The following ITGAD variants were observed in gnomAD, a reference collection of about 807,000 sequenced individuals.
ITGAD encodes integrin alpha-D.
In ITGAD, 105 loss-of-function variants were observed where a neutral mutation model predicts 139.0. That is an observed-to-expected ratio of 0.76 (90% CI 0.65 to 0.89). ITGAD has a LOEUF of 0.89. Ranked by LOEUF, ITGAD falls within the 40% of genes least tolerant of loss-of-function variation. The probability of loss-of-function intolerance (pLI) is 0.00; values close to 1 mark genes in which losing one functional copy is unlikely to be tolerated. For synonymous variants in ITGAD, 569 were observed against 598.3 expected, an observed-to-expected ratio of 0.95 and a Z score of 0.71; for missense variants, 1,384 against 1,487.3, an observed-to-expected ratio of 0.93 and a Z score of 1.14.
At position 31,418,151 on chromosome 16, in the gene ITGAD, G is replaced by A. The variant is rs369360258; in HGVS notation, c.2576G>A (p.Arg859His). 3.9e-5 allele frequency: 63 copies of A among 1,613,912 alleles called. No individual in the cohort carries two copies. Among genetic ancestry groups the A allele is most frequent in the Middle Eastern group, 3.3e-4 (2 of 6,084 alleles). The change falls in exon 21 of 30, where the codon CGC becomes CAC. Residue 859 changes from arginine (R) to histidine (H), a missense_variant. By Grantham distance (29) the Arg-to-His change is conservative. Transcript: ENST00000389202. ...GAGGATGAGGGCCTAAGAAGCAGCC[G>A]CTGCAGTGTCAACCACCCCATCTTC... ...PTEDEGLRSS[R>H]CSVNHPIFHE... is the part of the protein sequence containing the mutation.
intron 16 of ITGAD, among the ~76,000 whole-genome samples, chr16:31,414,145 CCTAT>C (rs2081815596): frequency 6.6e-6 from 1 of 152,092 alleles, no homozygotes; most frequent in African/African-American, 2.4e-5. Context: ...TCATCTATCA[CCTAT>C]CTAATCTATC....
chr16:31,394,138 A>G, intron 1 of ITGAD, 98 bp from the exon 2 acceptor site: 3 of 615,514 alleles, frequency 4.9e-6, no homozygotes, highest in Non-Finnish European at 8.0e-6. Flanking sequence ...CTCAAAAAAA[A>G]AAAAAAAAAA....
intron 23 of ITGAD, among the ~76,000 whole-genome samples, chr16:31,419,831 AG>A (rs372010818): frequency 6.6e-6 from 1 of 150,638 alleles, no homozygotes; most frequent in Non-Finnish European, 1.5e-5. Flanking sequence ...AAAAAAAAAA[AG>A]AAAAAAAAAG....
At chr16:31,416,430 G>A (rs1477833845) in intron 19 of ITGAD, 75 bp from the exon 20 acceptor site, 3 of 1,560,494 alleles carry the variant, frequency 1.9e-6, no homozygotes, top group South Asian at 1.1e-5. Flanking sequence ...GAGTTCCTGG[G>A]ATTCTGCCCT....
At chr16:31,410,603 T>A in intron 11 of ITGAD, 79 bp downstream of exon 11, 13 of 778,934 alleles carry the variant, frequency 1.7e-5, no homozygotes, top group Non-Finnish European at 2.2e-5. Context: ...GGAGGGGGGA[T>A]GGGCGCTGTG....
Position 31,411,158 on chromosome 16 carries a change from C to A in ITGAD, c.1439C>A (p.Pro480His). Residue 480 changes from proline to histidine, a missense_variant, in exon 13 of 30, where the codon CCC (proline) becomes CAC (histidine). Pro to His is a moderately conservative substitution (Grantham distance 77). Transcript: ENST00000389202. ...GSTDLILIGA[P>H]HYYEQTRGGQ... ...ACCGACCTGATCCTCATTGGGGCCC[C>A]CCATTACTATGAGCAGACCCGAGGG... is the stretch of plus-strand genomic sequence containing the variant. 1 of 1,613,976 alleles carries A rather than the reference C, an allele frequency of 6.2e-7. No individual in the cohort carries two copies. The highest frequency in any genetic ancestry group is 1.1e-5 in the South Asian group (1 of 91,072).
intron 10 of ITGAD, among the ~76,000 whole-genome samples, chr16:31,409,905 C>T (rs1407393800): frequency 1.9e-5 from 2 of 106,678 alleles, no homozygotes; most frequent in African/African-American, 3.9e-5. Flanking sequence ...GAGCAACAGC[C>T]TGTCTCAAAA....
chr16:31,412,469 C>G (rs1408757174), intron 14 of ITGAD, among the ~76,000 whole-genome samples: 1 of 152,250 alleles, frequency 6.6e-6, no homozygotes, highest in Non-Finnish European at 1.5e-5. Flanking sequence ...CCTTTGACTT[C>G]CGCCACTCCC....
In ITGAD at chr16:31,403,870, G is replaced by T; in HGVS notation, c.704+225G>T. 1 of 550,798 alleles carries T rather than the reference G, an allele frequency of 1.8e-6. No individual in the cohort carries two copies. Among genetic ancestry groups the T allele is most frequent in the Non-Finnish European group, 3.2e-6 (1 of 310,114 alleles). 34.1% of individuals were successfully genotyped at this position (550,798 alleles called of 1,614,324 possible). The stretch of plus-strand genomic sequence containing the variant: ...TCCTCTGCAGCTATGCCTCCCCTTT[G>T]CCTGGTTCTGCAGAGCCTGGACCCC... On this transcript the variant is annotated intron_variant, in intron 7 of 29. Transcript: ENST00000389202. This position sits in a 1 kb window ranked among gnomAD's most constrained non-coding sequence, Gnocchi z 4.4.
intron 5 of ITGAD, among the ~76,000 whole-genome samples, chr16:31,401,758 C>T (rs2081410361): frequency 6.6e-6 from 1 of 152,256 alleles, no homozygotes; most frequent in Admixed American, 6.5e-5. Flanking sequence ...CCAATTAGCA[C>T]GTGGCTGAGC....
In ITGAD at chr16:31,410,756, C is replaced by A; in HGVS notation, c.1234C>A (p.Leu412Met). ...CTCAGGTTACTCCACCGAGCTAGCCCTGTGGAAGGGGGTACAGAACCTGGT... is the reference window on the plus strand; with the variant it reads ...CTCAGGTTACTCCACCGAGCTAGCCATGTGGAAGGGGGTACAGAACCTGGT... ...SYLGYSTELA[L>M]WKGVQNLVLG... Residue 412 changes from leucine (L) to methionine (M), a missense_variant, in exon 12 of 30, where the codon CTG becomes ATG. Physicochemically the swap from Leu to Met is conservative, Grantham distance 15. Transcript: ENST00000389202. The A allele has an allele frequency of 6.2e-7, 1 of 1,612,622 alleles. No individual in the cohort carries two copies. The highest frequency in any genetic ancestry group is 1.3e-5 in the African/African-American group (1 of 74,840).
chr16:31,413,788 T>C (rs372926129), intron 16 of ITGAD, among the ~76,000 whole-genome samples: 10 of 152,318 alleles, frequency 6.6e-5, no homozygotes, highest in African/African-American at 2.4e-4. Context: ...TCTTAGGCCC[T>C]GTTCCCATGG....
At chr16:31,394,130 C>CAAAAAAAAAAA (rs943198130) in intron 1 of ITGAD, 106 bp from the exon 2 acceptor site, 13 of 417,078 alleles carry the variant, frequency 3.1e-5, no homozygotes, top group African/African-American at 6.7e-5. Flanking sequence ...GACTCCATCT[C>CAAAAAAAAAAA]AAAAAAAAAA....
At position 31,423,181 on chromosome 16, in the gene ITGAD, C is replaced by T; in HGVS notation, c.2848C>T (p.His950Tyr). 6.2e-7 allele frequency: 1 copy of T among 1,613,848 alleles called. No individual in the cohort carries two copies. The highest frequency in any genetic ancestry group is 8.5e-7 in the Non-Finnish European group (1 of 1,179,714). Residue 950 changes from histidine to tyrosine, a missense_variant, in exon 24 of 30, where the codon CAT becomes TAT. Transcript: ENST00000389202. ...SDEKKMKEAE[H>Y]RYRVNNLSQR... The stretch of plus-strand genomic sequence containing the variant: ...TGAGAAGAAAATGAAAGAGGCTGAG[C>T]ATCGATACCGTGTGAGAGTCTAGGG...
At chr16:31,410,666 C>T in intron 11 of ITGAD, 70 bp from the exon 12 acceptor site, 3 of 1,506,924 alleles carry the variant, frequency 2.0e-6, no homozygotes, top group Non-Finnish European at 2.7e-6. Context: ...GGCTGCGCTG[C>T]CTGGGGTGGG....
At position 31,418,338 on chromosome 16, in the gene ITGAD, C is replaced by A. The variant is rs1344487347; in HGVS notation, c.2654C>A (p.Ala885Asp). The A allele has an allele frequency of 1.9e-6, 3 of 1,613,946 alleles. No homozygotes were observed. In the African/African-American group the frequency reaches 4.0e-5, roughly 22 times the overall value. Reference sequence around the variant, plus strand: ...GTCACATTCGATGTCTCCTACAAGGCCACCCTGGGAGACAGGATGCTTATG... The same window carrying A: ...GTCACATTCGATGTCTCCTACAAGGACACCCTGGGAGACAGGATGCTTATG... Reference protein sequence around the residue: ...FIVTFDVSYKATLGDRMLMRA... With the variant: ...FIVTFDVSYKDTLGDRMLMRA... The change falls in exon 22 of 30, where the codon GCC (alanine) becomes GAC (aspartate). Residue 885 changes from alanine to aspartate, a missense_variant. Ala to Asp is a moderately radical substitution (Grantham distance 126). Transcript: ENST00000389202.
At chr16:31,421,694 G>C (rs1045438762) in intron 23 of ITGAD, among the ~76,000 whole-genome samples, 1 of 152,006 alleles carries the variant, frequency 6.6e-6, no homozygotes, top group Admixed American at 6.5e-5. Flanking sequence ...AGGTTGCTAC[G>C]GTTTGCATCC....
In ITGAD at chr16:31,418,200, T is replaced by C. The variant is rs1336661807; in HGVS notation, c.2616+9T>C. On this transcript the variant is annotated intron_variant, in intron 21 of 29. Transcript: ENST00000389202. Reference sequence around the variant, plus strand: ...TCCATGAGGGCTCTAACGTCAGTGCTTCTCCCTAAATCCCCATCACTGTCC... The same window carrying C: ...TCCATGAGGGCTCTAACGTCAGTGCCTCTCCCTAAATCCCCATCACTGTCC... 1.2e-6 allele frequency: 2 copies of C among 1,612,072 alleles called. No homozygotes were observed. Among genetic ancestry groups the C allele is most frequent in the African/African-American group, 2.7e-5 (2 of 74,836 alleles).
chr16:31,415,117 T>G, intron 18 of ITGAD, 126 bp downstream of exon 18: 3 of 1,075,076 alleles, frequency 2.8e-6, no homozygotes, highest in Non-Finnish European at 4.1e-6. Flanking sequence ...AGTCTCTCCC[T>G]TCCTCCTCAC....
Sources: allele counts gnomAD v4.1 joint callset (sites outside exome capture counted in the v4.1 genomes callset), GRCh38; gene constraint gnomAD v4.1.1; non-coding constraint Gnocchi (gnomAD v3.1); transcripts MANE v1.5; gene names NCBI Gene and HGNC (gene_info 2026-07-23, HGNC 2026-07-21).